Variants in GARRE1 observed in about 807,000 individuals in gnomAD.
The protein encoded by GARRE1 is granule associated Rac and RHOG effector 1.
A neutral mutation model predicts 103.2 loss-of-function variants in GARRE1; 49 were observed. That is an observed-to-expected ratio of 0.47 (90% CI 0.38 to 0.60). The LOEUF is 0.60. Among genes scored for constraint, GARRE1 ranks in the 20% least tolerant of loss-of-function variants. GARRE1 has a pLI of 0.00. For missense variants in GARRE1, 1,199 were observed against 1,370.5 expected (o/e 0.87, Z 1.98); for synonymous variants, 505 against 532.8 (o/e 0.95, Z 0.72).
intron 10 of GARRE1, among the ~76,000 whole-genome samples, chr19:34,343,791 G>A (rs2074198019): frequency 6.6e-6 from 1 of 152,128 alleles, no homozygotes; most frequent in South Asian, 2.1e-4. Flanking sequence ...AGGCTGCAGT[G>A]AGCCATGATC....
intron 2 of GARRE1, among the ~76,000 whole-genome samples, chr19:34,308,727 T>A (rs1056400888): frequency 1.3e-5 from 2 of 152,214 alleles, no homozygotes; most frequent in East Asian, 3.8e-4. Flanking sequence ...ATTATTCTGA[T>A]AAATGCTAAT....
chr19:34,326,546 G>A (rs1252919626), intron 3 of GARRE1, among the ~76,000 whole-genome samples: 1 of 152,152 alleles, frequency 6.6e-6, no homozygotes, highest in African/African-American at 2.4e-5. Flanking sequence ...CATATGTAGT[G>A]ACTGAATAAT....
chr19:34,255,794 C>T (rs912979615), intron 1 of GARRE1, among the ~76,000 whole-genome samples: 1 of 151,762 alleles, frequency 6.6e-6, no homozygotes, highest in African/African-American at 2.4e-5. Context: ...GATATTACAC[C>T]TGGTCTGATT....
intron 1 of GARRE1, among the ~76,000 whole-genome samples, chr19:34,257,415 G>A (rs369600958): frequency 3.3e-5 from 5 of 151,936 alleles, no homozygotes; most frequent in African/African-American, 1.2e-4. Context: ...TTGGCTTACT[G>A]CAACCTCCAC....
intron 2 of GARRE1, among the ~76,000 whole-genome samples, chr19:34,313,918 AG>A (rs1310090563): frequency 6.6e-6 from 1 of 152,114 alleles, no homozygotes; most frequent in Non-Finnish European, 1.5e-5. Flanking sequence ...CTCCTGCCTC[AG>A]CCTCCCGAGT....
rs369698948 is a variant in GARRE1, at chr19:34,259,179, GTAAA to G, written c.-796+4584_-796+4587del. On this transcript the variant is annotated intron_variant, in intron 1 of 13. Coordinates refer to ENST00000299505, the MANE Select transcript of GARRE1 (RefSeq NM_014686.5). ...CGAGACCCTGTCTCAAAATAAATAA[GTAAA>G]TAAATAAATAAATAAATATCACTTA... Among the ~76,000 whole-genome samples the G allele has an allele frequency of 7.8e-4, 119 of 152,234 alleles. 1 individual carries two copies. The highest frequency in any genetic ancestry group is 2.4e-3 in the African/African-American group (98 of 41,538).
In GARRE1 at chr19:34,352,848, A is replaced by T; in HGVS notation, c.3106A>T (p.Thr1036Ser). Residue 1036 changes from threonine (T) to serine (S), a missense_variant, in exon 14 of 14, where the codon ACC becomes TCC. Coordinates refer to ENST00000299505, the MANE Select transcript of GARRE1 (RefSeq NM_014686.5). ...CSAAAFSYVQTPPQPPPPPAH... is the reference protein window; with the variant it reads ...CSAAAFSYVQSPPQPPPPPAH... ...TGCCGCTGCCTTCTCCTATGTGCAGACCCCACCCCAGCCCCCACCCCCACC... is the reference window on the plus strand; with the variant it reads ...TGCCGCTGCCTTCTCCTATGTGCAGTCCCCACCCCAGCCCCCACCCCCACC... 14 of 1,591,440 alleles carry T rather than the reference A, an allele frequency of 8.8e-6. No homozygotes were observed. Among genetic ancestry groups the T allele is most frequent in the Non-Finnish European group, 1.2e-5 (14 of 1,166,438 alleles).
intron 3 of GARRE1, among the ~76,000 whole-genome samples, chr19:34,322,737 G>A (rs1220917523): frequency 2.0e-5 from 3 of 151,396 alleles, no homozygotes; most frequent in African/African-American, 2.4e-5. Context: ...ATAGGCACCC[G>A]CCACCACGCC....
intron 1 of GARRE1, among the ~76,000 whole-genome samples, chr19:34,264,172 G>A (rs1205731205): frequency 6.6e-6 from 1 of 152,210 alleles, no homozygotes; most frequent in East Asian, 1.9e-4. Flanking sequence ...GACAGAGACA[G>A]CAGAGGCTGC....
At chr19:34,351,621 C>G in intron 13 of GARRE1, 29 bp downstream of exon 13, 2 of 1,514,330 alleles carry the variant, frequency 1.3e-6, no homozygotes. Flanking sequence ...TGGGCACAGA[C>G]TTGGGCTAGC....
At chr19:34,266,465 G>A (rs1436837296) in intron 1 of GARRE1, among the ~76,000 whole-genome samples, 3 of 152,156 alleles carry the variant, frequency 2.0e-5, no homozygotes, top group East Asian at 1.9e-4. Context: ...GGGTTCAAGC[G>A]ATTCCCCTGC....
At chr19:34,333,905 A>G (rs1555710368) in intron 8 of GARRE1, 104 bp downstream of exon 8, 2 of 778,182 alleles carry the variant, frequency 2.6e-6, no homozygotes, top group Non-Finnish European at 4.6e-6. Flanking sequence ...AGCTGACGCA[A>G]CAAGTCTTGC....
At chr19:34,278,325 T>G (rs2073829713) in intron 1 of GARRE1, among the ~76,000 whole-genome samples, 1 of 151,304 alleles carries the variant, frequency 6.6e-6, no homozygotes, top group African/African-American at 2.4e-5. Context: ...AAGCCTGCAG[T>G]CCCAGCTACT....
At chr19:34,338,507 C>T (rs1018097586) in intron 8 of GARRE1, among the ~76,000 whole-genome samples, 1 of 152,162 alleles carries the variant, frequency 6.6e-6, no homozygotes, top group Non-Finnish European at 1.5e-5. Flanking sequence ...CACTGCACTC[C>T]AGCCTTGAGG....
chr19:34,330,144 A>C, intron 6 of GARRE1, 45 bp from the exon 7 acceptor site: 2 of 1,559,994 alleles, frequency 1.3e-6, no homozygotes, highest in South Asian at 1.1e-5. Flanking sequence ...AGAACCTTGC[A>C]TGGCTTTGTC....
chr19:34,291,718 A>G (rs892547427), intron 1 of GARRE1, among the ~76,000 whole-genome samples: 8 of 152,206 alleles, frequency 5.3e-5, no homozygotes, highest in South Asian at 2.1e-4. Flanking sequence ...TCTATACACT[A>G]TTGCACTGGG....
At chr19:34,292,225 A>G (rs1159827625) in intron 1 of GARRE1, among the ~76,000 whole-genome samples, 1 of 152,192 alleles carries the variant, frequency 6.6e-6, no homozygotes, top group Non-Finnish European at 1.5e-5. Flanking sequence ...AGACTCATAC[A>G]ATAGGAGTCT....
chr19:34,331,206 A>G (rs551874412), intron 7 of GARRE1, among the ~76,000 whole-genome samples: 3 of 151,120 alleles, frequency 2.0e-5, no homozygotes, highest in Non-Finnish European at 4.4e-5. Context: ...GCCCTTAAAA[A>G]AAAAAGAAAA....
At chr19:34,256,204 G>A (rs943774968) in intron 1 of GARRE1, among the ~76,000 whole-genome samples, 1 of 151,596 alleles carries the variant, frequency 6.6e-6, no homozygotes, top group South Asian at 2.1e-4. Flanking sequence ...CAATTTTTCT[G>A]TCTCTTTGTC....
Sources: allele counts gnomAD v4.1 joint callset (sites outside exome capture counted in the v4.1 genomes callset), GRCh38; gene constraint gnomAD v4.1.1; transcripts MANE v1.5; gene names NCBI Gene and HGNC (gene_info 2026-07-23, HGNC 2026-07-21).